UPP2: variants seen among roughly 807,000 people sequenced by gnomAD.
The protein encoded by UPP2 is uridine phosphorylase 2.
Under a neutral mutation model 26.7 loss-of-function variants are expected in UPP2, and 23 were observed. The observed-to-expected ratio is 0.86, with a 90% CI of 0.62 to 1.22. The LOEUF (loss-of-function observed/expected upper bound fraction) is 1.22. UPP2 is among the 50% of genes most tolerant of loss of function. The pLI is 0.00. For synonymous variants in UPP2, 127 were observed against 141.3 expected, an observed-to-expected ratio of 0.90 and a Z score of 0.72; for missense variants, 387 against 396.7, an observed-to-expected ratio of 0.98 and a Z score of 0.21.
chr2:158,078,072 C>G (rs544618326), intron 3 of UPP2, among the ~76,000 whole-genome samples: 7 of 152,052 alleles, frequency 4.6e-5, no homozygotes, highest in Non-Finnish European at 1.0e-4. Flanking sequence ...CAAATCAAAA[C>G]TACAATGAGA....
At chr2:157,997,603 G>A (rs1683340830) in intron 2 of UPP2, among the ~76,000 whole-genome samples, 1 of 152,138 alleles carries the variant, frequency 6.6e-6, no homozygotes, top group Admixed American at 6.5e-5. Context: ...TGCCACCATG[G>A]TCTCTAATTC....
At chr2:158,017,146 A>G (rs1353030252) in intron 3 of UPP2, among the ~76,000 whole-genome samples, 1 of 152,208 alleles carries the variant, frequency 6.6e-6, no homozygotes, top group African/African-American at 2.4e-5. Flanking sequence ...AGTGCACAAC[A>G]TTAGTTGACA....
At chr2:158,046,973 C>A (rs547371636) in intron 3 of UPP2, among the ~76,000 whole-genome samples, 2 of 152,236 alleles carry the variant, frequency 1.3e-5, no homozygotes, top group Non-Finnish European at 2.9e-5. Flanking sequence ...TAAAAGAGAT[C>A]AACTAAAACG....
intron 3 of UPP2, among the ~76,000 whole-genome samples, chr2:158,048,762 T>A (rs1682096252): frequency 6.6e-6 from 1 of 152,204 alleles, no homozygotes; most frequent in Non-Finnish European, 1.5e-5. Flanking sequence ...GGTGCCTGAT[T>A]CCATGTTTAA....
intron 3 of UPP2, among the ~76,000 whole-genome samples, chr2:158,079,653 A>C (rs1251544973): frequency 6.6e-6 from 1 of 152,068 alleles, no homozygotes; most frequent in Non-Finnish European, 1.5e-5. Flanking sequence ...TTTCTCTTAC[A>C]TACATTTTTT....
intron 4 of UPP2, among the ~76,000 whole-genome samples, chr2:158,120,845 C>G (rs1378976962): frequency 6.6e-6 from 1 of 151,902 alleles, no homozygotes; most frequent in Admixed American, 6.6e-5. Context: ...GCATGGCAGG[C>G]AGGGAGACTA....
intron 3 of UPP2, among the ~76,000 whole-genome samples, chr2:158,096,655 G>A (rs960202441): frequency 1.3e-5 from 2 of 151,350 alleles, no homozygotes; most frequent in South Asian, 4.2e-4. Context: ...ATAGGAGAAT[G>A]GATAAATTGC....
rs561293555 is a variant in UPP2 at position 158,003,207 on chromosome 2, A to C, written c.61+7948A>C. Among the ~76,000 whole-genome samples the C allele has an allele frequency of 3.3e-5, 5 of 151,982 alleles. No homozygotes were observed. In the South Asian group the frequency reaches 1.0e-3, roughly 32 times the overall value. ...GAAAGAAGGACTTTTGTGTTGGTGGAGGTGTCAGAGCATGATGGGGCACAA... is the reference window on the plus strand; with the variant it reads ...GAAAGAAGGACTTTTGTGTTGGTGGCGGTGTCAGAGCATGATGGGGCACAA... On this transcript the variant is annotated intron_variant, in intron 2 of 9. Transcript: ENST00000605860.
intron 3 of UPP2, chr2:158,065,940 G>T (rs779047085): frequency 6.0e-6 from 3 of 503,380 alleles, no homozygotes; most frequent in African/African-American, 2.0e-5. Flanking sequence ...AGTACAATTC[G>T]CAAGAAAAAA....
intron 3 of UPP2, among the ~76,000 whole-genome samples, chr2:158,023,888 G>A (rs1428455539): frequency 6.6e-6 from 1 of 152,144 alleles, no homozygotes; most frequent in Non-Finnish European, 1.5e-5. Flanking sequence ...GAGAACTCCT[G>A]CATTGGTCTC....
chr2:158,081,109 T>C (rs1682716882), intron 3 of UPP2, among the ~76,000 whole-genome samples: 1 of 152,130 alleles, frequency 6.6e-6, no homozygotes, highest in Non-Finnish European at 1.5e-5. Context: ...AAATAAAGAA[T>C]GGATACAGTC....
chr2:158,124,380 G>A lies in UPP2; in HGVS notation c.811+485G>A, dbSNP rs538830105. Among the ~76,000 whole-genome samples, 9 of 152,284 alleles carry A rather than the reference G, an allele frequency of 5.9e-5. No individual in the cohort carries two copies. The South Asian group carries it at 1.7e-3, about 28-fold the overall frequency. On this transcript the variant is annotated intron_variant, in intron 6 of 6. Transcript: ENST00000005756. The stretch of plus-strand genomic sequence containing the variant: ...ATTCAAGGAGAATTGGAGGAACAGG[G>A]AAGAGATCAGGAGGGGAGAGGCAGT...
chr2:158,018,695 C>T (rs975942848), intron 3 of UPP2, among the ~76,000 whole-genome samples: 3 of 152,212 alleles, frequency 2.0e-5, no homozygotes, highest in African/African-American at 7.2e-5. Context: ...AGAGTCCAAA[C>T]TAGGTAAACT....
At chr2:158,038,006 A>G (rs1684029706) in intron 3 of UPP2, among the ~76,000 whole-genome samples, 1 of 152,200 alleles carries the variant, frequency 6.6e-6, no homozygotes, top group African/African-American at 2.4e-5. Context: ...GGCAGAATGT[A>G]TCCTCAATGG....
At chr2:158,016,352 T>C (rs1683659186) in intron 3 of UPP2, among the ~76,000 whole-genome samples, 1 of 152,052 alleles carries the variant, frequency 6.6e-6, no homozygotes, top group Admixed American at 6.6e-5. Flanking sequence ...GATGATTTTT[T>C]TTTTTGAGAC....
At chr2:158,091,307 G>A (rs946415946) in intron 3 of UPP2, among the ~76,000 whole-genome samples, 1 of 152,128 alleles carries the variant, frequency 6.6e-6, no homozygotes, top group Non-Finnish European at 1.5e-5. Flanking sequence ...ACACTAATGA[G>A]AGAAATCAGC....
chr2:158,030,177 T>C (rs986165546), intron 3 of UPP2, among the ~76,000 whole-genome samples: 2 of 152,196 alleles, frequency 1.3e-5, no homozygotes, highest in African/African-American at 4.8e-5. Context: ...TTGGCGATTA[T>C]GATGAAAGAG....
At chr2:158,017,145 C>A (rs2105145460) in intron 3 of UPP2, among the ~76,000 whole-genome samples, 1 of 152,222 alleles carries the variant, frequency 6.6e-6, no homozygotes, top group African/African-American at 2.4e-5. Context: ...TAGTGCACAA[C>A]ATTAGTTGAC....
intron 3 of UPP2, among the ~76,000 whole-genome samples, chr2:158,089,884 C>T (rs1032920331): frequency 6.6e-6 from 1 of 152,162 alleles, no homozygotes; most frequent in Non-Finnish European, 1.5e-5. Flanking sequence ...CAGCAGTTCA[C>T]TTCCTTCAAA....
Sources: allele counts gnomAD v4.1 joint callset (sites outside exome capture counted in the v4.1 genomes callset), GRCh38; gene constraint gnomAD v4.1.1; transcripts MANE v1.5; gene names NCBI Gene and HGNC (gene_info 2026-07-23, HGNC 2026-07-21).